The following SORCS1 variants were observed in gnomAD, a reference collection of about 807,000 sequenced individuals.
SORCS1 encodes sortilin related VPS10 domain containing receptor 1.
Under a neutral mutation model 146.1 loss-of-function variants are expected in SORCS1, and 60 were observed. The observed-to-expected ratio is 0.41, with a 90% CI of 0.33 to 0.51. SORCS1 has a LOEUF of 0.51. SORCS1 is among the 20% of genes least tolerant of loss of function. SORCS1 has a pLI of 0.21. For missense variants in SORCS1, 1,352 were observed against 1,487.6 expected (o/e 0.91, Z 1.50); for synonymous variants, 637 against 584.0 (o/e 1.09, Z -1.31).
At chr10:106,926,056 C>T (rs980952006) in intron 2 of SORCS1, among the ~76,000 whole-genome samples, 1 of 152,114 alleles carries the variant, frequency 6.6e-6, no homozygotes, top group Non-Finnish European at 1.5e-5. Flanking sequence ...AATCACGAGG[C>T]TTATATCAAA....
At chr10:106,678,729 C>T (rs1225851820) in intron 12 of SORCS1, among the ~76,000 whole-genome samples, 1 of 152,116 alleles carries the variant, frequency 6.6e-6, no homozygotes. Flanking sequence ...TAAAGTATTC[C>T]ATTTCTACTT....
intron 1 of SORCS1, among the ~76,000 whole-genome samples, chr10:107,028,317 G>A (rs1958496413): frequency 6.6e-6 from 1 of 152,154 alleles, no homozygotes; most frequent in Non-Finnish European, 1.5e-5. Flanking sequence ...CTTGTGAAAT[G>A]GGCATCAGGG....
At chr10:106,706,712 A>G in intron 7 of SORCS1, 78 bp from the exon 8 acceptor site, 1 of 1,339,474 alleles carries the variant, frequency 7.5e-7, no homozygotes, top group Non-Finnish European at 1.1e-6. Context: ...ACCTGAATGG[A>G]AGGAGGAAGC....
At chr10:106,976,129 T>C (rs1955986358) in intron 1 of SORCS1, among the ~76,000 whole-genome samples, 2 of 124,866 alleles carry the variant, frequency 1.6e-5, no homozygotes, top group East Asian at 2.3e-4. Context: ...CTGGACTCTG[T>C]CTCAAAAAAA....
At chr10:107,046,463 T>C (rs1959462826) in intron 1 of SORCS1, among the ~76,000 whole-genome samples, 1 of 151,994 alleles carries the variant, frequency 6.6e-6, no homozygotes, top group African/African-American at 2.4e-5. Flanking sequence ...TAATAATATA[T>C]CTATATAAAT....
At chr10:106,679,079 T>TAA (rs1490608221) in intron 12 of SORCS1, among the ~76,000 whole-genome samples, 177 bp downstream of exon 12, 2 of 152,178 alleles carry the variant, frequency 1.3e-5, no homozygotes, top group African/African-American at 4.8e-5. Flanking sequence ...TCAAATTCCA[T>TAA]AAATATTTGC....
At chr10:107,065,499 TCTCC>T (rs1961733947) in intron 1 of SORCS1, among the ~76,000 whole-genome samples, 2 of 86,622 alleles carry the variant, frequency 2.3e-5, no homozygotes, top group African/African-American at 1.1e-4. Flanking sequence ...TCTCCTCTCC[TCTCC>T]TCTCCTCTCT....
At chr10:107,055,784 G>A (rs1043422526) in intron 1 of SORCS1, among the ~76,000 whole-genome samples, 5 of 151,814 alleles carry the variant, frequency 3.3e-5, no homozygotes, top group African/African-American at 1.2e-4. Context: ...ACGAGATCAG[G>A]ATATACCAGG....
chr10:106,825,349 G>GT (rs2136965382), intron 3 of SORCS1, among the ~76,000 whole-genome samples: 1 of 143,202 alleles, frequency 7.0e-6, no homozygotes, highest in East Asian at 2.0e-4. Flanking sequence ...TCAGCTCACT[G>GT]TAACGTCCGT....
intron 5 of SORCS1, among the ~76,000 whole-genome samples, chr10:106,736,530 C>G (rs940743127): frequency 2.1e-5 from 3 of 144,870 alleles, no homozygotes; most frequent in Non-Finnish European, 4.6e-5. Context: ...TCCTCTCCTA[C>G]AGTCAAGGGT....
At chr10:106,750,480 C>A (rs1842395758) in intron 5 of SORCS1, among the ~76,000 whole-genome samples, 1 of 151,796 alleles carries the variant, frequency 6.6e-6, no homozygotes, top group Admixed American at 6.6e-5. Flanking sequence ...CCTGCAATAC[C>A]AGCACTTTGG....
chr10:106,622,289 GAAAA>G lies in SORCS1; in HGVS notation c.2663-1732_2663-1729del, dbSNP rs554464573. 4.7e-3 allele frequency among the ~76,000 whole-genome samples: 183 copies of G among 39,034 alleles called. 2 individuals are homozygous for G. The highest frequency in any genetic ancestry group is 0.015 in the African/African-American group (177 of 11,958). The allele number at this position is 39,034 out of a possible 152,430, so 25.6% of individuals were successfully genotyped here. On this transcript the variant is annotated intron_variant, in intron 19 of 25. Coordinates refer to ENST00000263054, the MANE Select transcript of SORCS1 (RefSeq NM_052918.5). ...TGGTGACAGAGCAAGATTCCATCTC[GAAAA>G]AAAAAAAAAAAAAAAAAAAAGATTC...
chr10:106,677,165 G>T, intron 13 of SORCS1, 148 bp downstream of exon 13: 1 of 688,090 alleles, frequency 1.5e-6, no homozygotes, highest in Non-Finnish European at 2.5e-6. Flanking sequence ...CTTTTTGTGT[G>T]GAGAGTAACA....
At position 106,577,234 on chromosome 10, in the gene SORCS1, T is replaced by A. The variant is rs1031804295; in HGVS notation, c.*186A>T. 1 of 1,590,780 alleles carries A rather than the reference T, an allele frequency of 6.3e-7. No homozygotes were observed. ...GGCGTCCTCCATTCAAACATTTACA[T>A]AGGTAGGGATTTCTTTTGTGCTTTG... On this transcript the variant is annotated 3_prime_UTR_variant, in exon 26 of 26. Transcript: ENST00000263054.
intron 3 of SORCS1, among the ~76,000 whole-genome samples, chr10:106,824,093 C>T (rs1948179068): frequency 6.7e-6 from 1 of 149,092 alleles, no homozygotes; most frequent in Admixed American, 6.7e-5. Flanking sequence ...CACCTGGGGT[C>T]AGGAGTTCGA....
chr10:106,984,844 T>G (rs1427820916), intron 1 of SORCS1, among the ~76,000 whole-genome samples: 1 of 152,120 alleles, frequency 6.6e-6, no homozygotes, highest in African/African-American at 2.4e-5. Flanking sequence ...AGGAATATGA[T>G]GAAAACATTA....
chr10:107,124,469 T>G (rs1966588475), intron 1 of SORCS1, among the ~76,000 whole-genome samples: 1 of 152,124 alleles, frequency 6.6e-6, no homozygotes, highest in Admixed American at 6.6e-5. Flanking sequence ...TTTTTCCTTT[T>G]TTTCTCCCAA....
chr10:106,836,866 T>TTAA (rs1473745242), intron 2 of SORCS1, among the ~76,000 whole-genome samples: 1 of 152,208 alleles, frequency 6.6e-6, no homozygotes, highest in African/African-American at 2.4e-5. Context: ...GCTCAACCAG[T>TTAA]TAATGACTTG....
At chr10:106,778,684 AC>A (rs1164757456) in intron 3 of SORCS1, among the ~76,000 whole-genome samples, 1 of 152,140 alleles carries the variant, frequency 6.6e-6, no homozygotes, top group African/African-American at 2.4e-5. Context: ...ATGTAAAACA[AC>A]CTTTTTGCAC....
Sources: allele counts gnomAD v4.1 joint callset (sites outside exome capture counted in the v4.1 genomes callset), GRCh38; gene constraint gnomAD v4.1.1; transcripts MANE v1.5; gene names NCBI Gene and HGNC (gene_info 2026-07-23, HGNC 2026-07-21).